FAR2: variants seen among roughly 807,000 people sequenced by gnomAD.
FAR2 encodes the protein epididymis secretory protein Li 81.
A neutral mutation model predicts 56.0 loss-of-function variants in FAR2; 19 were observed. That is an observed-to-expected ratio of 0.34 (90% CI 0.24 to 0.50). The LOEUF is 0.50. Among genes scored for constraint, FAR2 ranks in the 20% least tolerant of loss-of-function variants. The pLI is 0.98. For synonymous variants in FAR2, 219 were observed against 218.8 expected, an observed-to-expected ratio of 1.00 and a Z score of -0.01; for missense variants, 508 against 642.2, an observed-to-expected ratio of 0.79 and a Z score of 2.26.
chr12:29,159,616 C>G (rs190587400), intron 1 of FAR2, among the ~76,000 whole-genome samples: 2 of 151,274 alleles, frequency 1.3e-5, no homozygotes, highest in Admixed American at 1.3e-4. Flanking sequence ...CCCCAGAAAA[C>G]AATGTTCTTG....
intron 9 of FAR2, among the ~76,000 whole-genome samples, chr12:29,317,523 G>A (rs925724096): frequency 6.6e-6 from 1 of 152,172 alleles, no homozygotes; most frequent in Non-Finnish European, 1.5e-5. Flanking sequence ...AGCAGTCATA[G>A]TGAGAAGCCA....
intron 1 of FAR2, among the ~76,000 whole-genome samples, chr12:29,265,574 C>T (rs76819701): frequency 3.5e-3 from 539 of 152,270 alleles, no homozygotes; most frequent in Middle Eastern, 0.01. Context: ...TATGAAACTA[C>T]TGTAAGAAAA....
chr12:29,199,457 G>A (rs1375401909), intron 1 of FAR2, among the ~76,000 whole-genome samples: 7 of 151,860 alleles, frequency 4.6e-5, no homozygotes, highest in African/African-American at 7.3e-5. Flanking sequence ...AAAATTAGCC[G>A]GGCGTGGTGG....
chr12:29,304,070 C>G (rs7306412), intron 4 of FAR2, among the ~76,000 whole-genome samples: 10,427 of 152,234 alleles, frequency 0.068, 413 homozygotes, highest in South Asian at 0.12. Flanking sequence ...GCCACCTTCA[C>G]CAAAACGAGG....
chr12:29,225,489 G>T (rs1363741403), intron 1 of FAR2, among the ~76,000 whole-genome samples: 1 of 152,118 alleles, frequency 6.6e-6, no homozygotes, highest in Non-Finnish European at 1.5e-5. Context: ...AAAGCTTACA[G>T]TTACAAGACA....
intron 5 of FAR2, among the ~76,000 whole-genome samples, chr12:29,308,703 C>G (rs867779279): frequency 1.5e-5 from 2 of 133,548 alleles, no homozygotes; most frequent in Admixed American, 1.4e-4. Flanking sequence ...CACACACACA[C>G]ACACACACAC....
At chr12:29,298,036 CA>C (rs71042980) in intron 4 of FAR2, among the ~76,000 whole-genome samples, 62 of 123,608 alleles carry the variant, frequency 5.0e-4, no homozygotes, top group Admixed American at 2.2e-3. Flanking sequence ...AACTCCGTCT[CA>C]AAAAAAAAAA....
Position 29,333,823 on chromosome 12 carries a change from A to T in FAR2, c.*29A>T. ...CATTTAGCCATCGCTTTTTATCTGG[A>T]ACCTCTCAGATACCTCTAAAACAGC... is the stretch of plus-strand genomic sequence containing the variant. On this transcript the variant is annotated 3_prime_UTR_variant, in exon 12 of 12. Coordinates refer to ENST00000536681, the MANE Select transcript of FAR2 (RefSeq NM_001271783.2). The T allele has an allele frequency of 6.2e-7, 1 of 1,602,252 alleles. No homozygotes were observed. Among genetic ancestry groups the T allele is most frequent in the Non-Finnish European group, 8.5e-7 (1 of 1,171,368 alleles).
rs575288146 is a variant in FAR2, at chr12:29,327,447, T to G, written c.1258-5153T>G. Among the ~76,000 whole-genome samples, 17 of 152,224 alleles carry G rather than the reference T, an allele frequency of 1.1e-4. No homozygotes were observed. In the East Asian group the frequency reaches 3.1e-3, roughly 28 times the overall value. On this transcript the variant is annotated intron_variant, in intron 10 of 11. Transcript: ENST00000536681. ...CCAAAAAAGAGCCCGCATTGCCAAG[T>G]CAATCCTAAACCAAAAGAACAAAAC... is the stretch of plus-strand genomic sequence containing the variant.
At chr12:29,210,946 C>CAAA (rs11407727) in intron 1 of FAR2, among the ~76,000 whole-genome samples, 10 of 151,342 alleles carry the variant, frequency 6.6e-5, no homozygotes, top group East Asian at 3.9e-4. Flanking sequence ...GTCTTAAAAA[C>CAAA]AAAAAAAAAA....
chr12:29,211,812 T>A (rs1023611862), intron 1 of FAR2, among the ~76,000 whole-genome samples: 3 of 151,100 alleles, frequency 2.0e-5, no homozygotes, highest in African/African-American at 7.3e-5. Context: ...AAATAACTGT[T>A]GTCACAGATA....
chr12:29,175,106 C>G (rs1377436741), intron 1 of FAR2, among the ~76,000 whole-genome samples: 2 of 152,256 alleles, frequency 1.3e-5, no homozygotes, highest in East Asian at 3.9e-4. Context: ...CTGACAGGTG[C>G]CCAGTATTTA....
intron 1 of FAR2, among the ~76,000 whole-genome samples, chr12:29,213,440 A>T (rs1386993222): frequency 6.6e-6 from 1 of 152,180 alleles, no homozygotes; most frequent in African/African-American, 2.4e-5. Context: ...CTGTCATTCC[A>T]GCACTTTGGG....
At chr12:29,272,478 A>G (rs1948635910) in intron 2 of FAR2, among the ~76,000 whole-genome samples, 1 of 152,210 alleles carries the variant, frequency 6.6e-6, no homozygotes, top group African/African-American at 2.4e-5. Context: ...TTTCAGCACC[A>G]TCTGGTCCTT....
At chr12:29,200,726 T>G (rs991170411) in intron 1 of FAR2, among the ~76,000 whole-genome samples, 1 of 152,222 alleles carries the variant, frequency 6.6e-6, no homozygotes, top group African/African-American at 2.4e-5. Context: ...CCTAGCTAAC[T>G]TGTTTACTCA....
chr12:29,318,934 A>G (rs1003115288), intron 9 of FAR2, among the ~76,000 whole-genome samples: 1 of 152,108 alleles, frequency 6.6e-6, no homozygotes, highest in African/African-American at 2.4e-5. Context: ...AGAGACTGTC[A>G]ATTGGCACTA....
chr12:29,314,468 AT>A (rs1949412227), intron 8 of FAR2, among the ~76,000 whole-genome samples: 1 of 149,602 alleles, frequency 6.7e-6, no homozygotes, highest in Non-Finnish European at 1.5e-5. Flanking sequence ...GAGAATAATA[AT>A]TATTCTATTC....
At chr12:29,322,690 C>A (rs766134057) in intron 10 of FAR2, among the ~76,000 whole-genome samples, 4 of 152,172 alleles carry the variant, frequency 2.6e-5, no homozygotes, top group Admixed American at 6.5e-5. Context: ...GGTTTTCACT[C>A]CATATTGATT....
At chr12:29,266,283 T>A (rs756845595) in intron 1 of FAR2, among the ~76,000 whole-genome samples, 1 of 152,062 alleles carries the variant, frequency 6.6e-6, no homozygotes, top group Admixed American at 6.6e-5. Context: ...GATGAATGGA[T>A]AAAGAAAATG....
Sources: allele counts gnomAD v4.1 joint callset (sites outside exome capture counted in the v4.1 genomes callset), GRCh38; gene constraint gnomAD v4.1.1; transcripts MANE v1.5; gene names NCBI Gene and HGNC (gene_info 2026-07-23, HGNC 2026-07-21).